HDAC9: variants seen among roughly 807,000 people sequenced by gnomAD.
The protein encoded by HDAC9 is MEF-2 interacting transcription repressor (MITR) protein.
In HDAC9, 41 loss-of-function variants were observed where a neutral mutation model predicts 139.4. That is an observed-to-expected ratio of 0.29 (90% confidence interval 0.23 to 0.38). HDAC9 has a LOEUF of 0.38. HDAC9 is among the 10% of genes least tolerant of loss of function. HDAC9 has a pLI of 1.00. For missense variants in HDAC9, 1,147 were observed against 1,297.0 expected, an observed-to-expected ratio of 0.88 and a Z score of 1.78; for synonymous variants, 517 against 476.2, an observed-to-expected ratio of 1.09 and a Z score of -1.12.
chr7:18,269,020 A>T (rs1796176045), intron 2 of HDAC9, among the ~76,000 whole-genome samples: 2 of 152,308 alleles, frequency 1.3e-5, no homozygotes, highest in Admixed American at 1.3e-4. Context: ...TTGCCTAATA[A>T]ATATTGCATT....
chr7:18,173,938 C>T (rs750876083), intron 2 of HDAC9, among the ~76,000 whole-genome samples: 6 of 152,046 alleles, frequency 3.9e-5, no homozygotes, highest in South Asian at 2.1e-4. Flanking sequence ...TTGCTCTTCT[C>T]GAGGAGGAGT....
At chr7:18,326,903 G>T (rs1800493401) in intron 1 of HDAC9, among the ~76,000 whole-genome samples, 1 of 151,834 alleles carries the variant, frequency 6.6e-6, no homozygotes, top group South Asian at 2.1e-4. Flanking sequence ...AGGTTATTCA[G>T]GTAAACATGA....
chr7:18,455,774 C>T (rs1268147944), intron 1 of HDAC9, among the ~76,000 whole-genome samples: 1 of 152,122 alleles, frequency 6.6e-6, no homozygotes, highest in East Asian at 1.9e-4. Flanking sequence ...TATTGAAAAG[C>T]ACTCTGTGGT....
chr7:18,828,408 C>T (rs17349860), intron 17 of HDAC9, among the ~76,000 whole-genome samples: 49,710 of 152,034 alleles, frequency 0.33, 8,359 homozygotes, highest in South Asian at 0.49. Context: ...GCCTTCATGC[C>T]GGAGTTACTT....
chr7:18,755,237 A>C (rs553478514), intron 14 of HDAC9, among the ~76,000 whole-genome samples: 1 of 152,274 alleles, frequency 6.6e-6, no homozygotes, highest in East Asian at 1.9e-4. Context: ...ACCCAGGCAG[A>C]TAAATATACC....
At chr7:18,287,530 CAT>C (rs1797531119), upstream of HDAC9, among the ~76,000 whole-genome samples, 2 of 152,292 alleles carry the variant, frequency 1.3e-5, no homozygotes, top group African/African-American at 4.8e-5. Context: ...GGAGGTTTCA[CAT>C]AAAAATCCAG....
At chr7:18,215,137 T>C (rs945003145) in intron 2 of HDAC9, among the ~76,000 whole-genome samples, 4 of 152,160 alleles carry the variant, frequency 2.6e-5, no homozygotes, top group Non-Finnish European at 5.9e-5. Flanking sequence ...TTCTACCCTA[T>C]TCTATTAGAC....
intron 2 of HDAC9, chr7:18,162,476 T>A: frequency 1.2e-6 from 1 of 847,354 alleles, no homozygotes; most frequent in Non-Finnish European, 1.8e-6. Flanking sequence ...TTGCTTAATG[T>A]AACAAATTTT....
intron 2 of HDAC9, among the ~76,000 whole-genome samples, chr7:18,214,652 A>AAT (rs1792173666): frequency 1.3e-5 from 2 of 152,080 alleles, no homozygotes; most frequent in African/African-American, 4.8e-5. Flanking sequence ...ACTTATATAT[A>AAT]ATATATGATA....
Position 18,991,509 on chromosome 7 carries a change from C to T in HDAC9, c.3171-4514C>T, listed in dbSNP as rs557552287. 5.5e-4 allele frequency among the ~76,000 whole-genome samples: 83 copies of T among 152,174 alleles called. 1 individual carries two copies. The highest frequency in any genetic ancestry group is 2.5e-3 in the Admixed American group (38 of 15,290). ...AAAATTAGCCAGGTGTGGTGGCAGG[C>T]ACCTGTAGTCCCAGCTGCTCAGGAG... On this transcript the variant is annotated intron_variant, in intron 25 of 25. Coordinates refer to ENST00000686413, the MANE Select transcript of HDAC9 (RefSeq NM_178425.4).
intron 12 of HDAC9, among the ~76,000 whole-genome samples, chr7:18,682,095 A>G (rs1781928933): frequency 6.6e-6 from 1 of 152,084 alleles, no homozygotes; most frequent in Non-Finnish European, 1.5e-5. Flanking sequence ...TTACCAACAC[A>G]ATTCTCAGAA....
At chr7:18,197,870 T>G (rs1790836754) in intron 2 of HDAC9, among the ~76,000 whole-genome samples, 1 of 152,202 alleles carries the variant, frequency 6.6e-6, no homozygotes, top group Non-Finnish European at 1.5e-5. Flanking sequence ...TAGGATTTAT[T>G]TGCTGTAATC....
chr7:18,674,353 C>T (rs909514628), intron 12 of HDAC9, among the ~76,000 whole-genome samples: 1 of 152,024 alleles, frequency 6.6e-6, no homozygotes, highest in Non-Finnish European at 1.5e-5. Flanking sequence ...TAATATTTCA[C>T]TTAAATGATA....
intron 1 of HDAC9, among the ~76,000 whole-genome samples, chr7:18,412,897 T>G (rs532831315): frequency 7.0e-4 from 107 of 152,266 alleles, no homozygotes; most frequent in African/African-American, 2.5e-3. Context: ...AAATTCAAAA[T>G]TAAATGAATA....
intron 17 of HDAC9, among the ~76,000 whole-genome samples, chr7:18,802,180 A>G (rs993881009): frequency 1.3e-5 from 2 of 151,858 alleles, no homozygotes; most frequent in Non-Finnish European, 2.9e-5. Context: ...TTCTTTAAGT[A>G]CTATTTGAGT....
chr7:18,699,972 G>A (rs532673865), intron 12 of HDAC9, among the ~76,000 whole-genome samples: 1 of 151,940 alleles, frequency 6.6e-6, no homozygotes, highest in Admixed American at 6.6e-5. Flanking sequence ...TGTTAACGTT[G>A]TTCTGTGTTC....
At chr7:18,964,222 A>G (rs1029076774) in intron 24 of HDAC9, among the ~76,000 whole-genome samples, 1 of 152,122 alleles carries the variant, frequency 6.6e-6, no homozygotes, top group East Asian at 1.9e-4. Context: ...CTAGTGTGCT[A>G]TTTTTCCACC....
intron 12 of HDAC9, among the ~76,000 whole-genome samples, chr7:18,696,778 A>G (rs1407683947): frequency 6.6e-6 from 1 of 151,990 alleles, no homozygotes; most frequent in African/African-American, 2.4e-5. Flanking sequence ...AGTTGTTCTT[A>G]TTATTACTTG....
intron 1 of HDAC9, among the ~76,000 whole-genome samples, chr7:18,396,594 A>C (rs1787085377): frequency 6.6e-6 from 1 of 152,018 alleles, no homozygotes; most frequent in South Asian, 2.1e-4. Context: ...AAATTGTTTT[A>C]AGGGATAGAG....
Sources: allele counts gnomAD v4.1 joint callset (sites outside exome capture counted in the v4.1 genomes callset), GRCh38; gene constraint gnomAD v4.1.1; transcripts MANE v1.5; gene names NCBI Gene and HGNC (gene_info 2026-07-23, HGNC 2026-07-21).